The following KALRN variants were observed in gnomAD, a reference collection of about 807,000 sequenced individuals.
The protein encoded by KALRN is kalirin.
KALRN carries 70 observed loss-of-function variants against 353.7 expected under a neutral mutation model. That is an observed-to-expected ratio of 0.20 (90% confidence interval 0.16 to 0.24). The LOEUF (loss-of-function observed/expected upper bound fraction) is 0.24. Among genes scored for constraint, KALRN ranks in the 10% least tolerant of loss-of-function variants. The pLI, the probability that KALRN is intolerant of heterozygous loss-of-function variation, is 1.00. For missense variants in KALRN, 2,791 were observed against 3,756.7 expected (o/e 0.74, Z 6.72); for synonymous variants, 1,391 against 1,434.8 (o/e 0.97, Z 0.69).
chr3:124,161,914 A>G (rs2070030028), intron 1 of KALRN, among the ~76,000 whole-genome samples: 1 of 152,222 alleles, frequency 6.6e-6, no homozygotes, highest in African/African-American at 2.4e-5. Context: ...TACCTTTTGG[A>G]TTGAGAAATT....
chr3:124,405,890 C>T (rs693394), intron 13 of KALRN, among the ~76,000 whole-genome samples: 85,355 of 151,866 alleles, frequency 0.56, 25,731 homozygotes, highest in Middle Eastern at 0.71. Flanking sequence ...GTGATCCGCC[C>T]GCCTCGGCCT....
rs527599597 is a variant in KALRN at position 124,248,143 on chromosome 3, G to T, written c.263+13200G>T. Among the ~76,000 whole-genome samples, 6 of 152,358 alleles carry T rather than the reference G, an allele frequency of 3.9e-5. No individual in the cohort carries two copies. The East Asian group carries it at 1.2e-3, about 29-fold the overall frequency. ...TCTGATAGGTGGTGAACCTCTTGCA[G>T]GTTGGAATGGTTGGTTTTGTTTCTT... On this transcript the variant is annotated intron_variant, in intron 3 of 59. Transcript: ENST00000682506.
chr3:124,221,332 T>G (rs1201351100), intron 1 of KALRN, among the ~76,000 whole-genome samples: 1 of 152,238 alleles, frequency 6.6e-6, no homozygotes, highest in Non-Finnish European at 1.5e-5. Flanking sequence ...CTTGCCATTC[T>G]CTGTCTTCTC....
At chr3:124,665,809 C>A (rs1230404978) in intron 45 of KALRN, among the ~76,000 whole-genome samples, 1 of 152,146 alleles carries the variant, frequency 6.6e-6, no homozygotes, top group Non-Finnish European at 1.5e-5. Flanking sequence ...AAGTATCTAC[C>A]AGCTTATAAA....
intron 1 of KALRN, among the ~76,000 whole-genome samples, chr3:124,053,575 A>G (rs1455937289): frequency 2.6e-5 from 4 of 152,184 alleles, no homozygotes; most frequent in Admixed American, 6.5e-5. Context: ...AGGGTTTAGC[A>G]CTGCTCCATT....
chr3:124,297,152 A>T (rs13076923), intron 5 of KALRN, among the ~76,000 whole-genome samples: 5 of 152,210 alleles, frequency 3.3e-5, no homozygotes, highest in Admixed American at 6.5e-5. Context: ...CATAGCAGGT[A>T]TCCCATAAAT....
rs919750972 is a variant in KALRN, at chr3:124,697,691, A to G, written c.7798A>G (p.Ile2600Val). The stretch of plus-strand genomic sequence containing the variant: ...CCCCTCCAGCACAGGAAACTGCACT[A>G]TTTCTGGTTACACTGTGGAGTACAG... ...LPPSSTGNCT[I>V]SGYTVEYREE... The change falls in exon 55 of 60, where the codon ATT (isoleucine) becomes GTT (valine). Residue 2600 changes from isoleucine to valine, a missense_variant. Transcript: ENST00000682506. 2 of 1,597,278 alleles carry G rather than the reference A, an allele frequency of 1.3e-6. No homozygotes were observed. Among genetic ancestry groups the G allele is most frequent in the Non-Finnish European group, 1.7e-6 (2 of 1,171,252 alleles).
intron 34 of KALRN, among the ~76,000 whole-genome samples, chr3:124,580,887 C>T (rs769679972): frequency 3.3e-5 from 5 of 151,798 alleles, no homozygotes; most frequent in South Asian, 2.1e-4. Context: ...GGGGGCAGAT[C>T]GCTTGAGCCC....
intron 5 of KALRN, among the ~76,000 whole-genome samples, 184 bp downstream of exon 5, chr3:124,269,439 G>C (rs2073917397): frequency 1.3e-5 from 2 of 152,170 alleles, no homozygotes; most frequent in South Asian, 2.1e-4. Context: ...GCCCAGTATT[G>C]TTCTAAGCAC....
chr3:124,546,563 A>G (rs778671761), intron 33 of KALRN, among the ~76,000 whole-genome samples: 1 of 152,168 alleles, frequency 6.6e-6, no homozygotes, highest in Non-Finnish European at 1.5e-5. Context: ...GTTGTTGTGG[A>G]AGCTGGGTTG....
rs1476372037 is a variant in KALRN at position 124,384,935 on chromosome 3, G to T, written c.1861G>T (p.Ala621Ser). Residue 621 changes from alanine (A) to serine (S), a missense_variant, in exon 11 of 60, where the codon GCT becomes TCT. This residue lies in a region of KALRN where 452 missense variants were observed against 575.8 expected (regional missense o/e 0.78). Coordinates refer to ENST00000682506, the MANE Select transcript of KALRN (RefSeq NM_001388419.1). ...TGACCCCGAGGAGATCTACAAGGCA[G>T]CTCGACACCTGGAGGTGCGCATCCA... ...ECDPEEIYKAARHLEVRIQDF... is the reference protein window; with the variant it reads ...ECDPEEIYKASRHLEVRIQDF... The T allele has an allele frequency of 6.2e-7, 1 of 1,614,134 alleles. No homozygotes were observed. Among genetic ancestry groups the T allele is most frequent in the Non-Finnish European group, 8.5e-7 (1 of 1,179,998 alleles).
At chr3:124,569,497 A>G (rs919398979) in intron 34 of KALRN, among the ~76,000 whole-genome samples, 2 of 152,202 alleles carry the variant, frequency 1.3e-5, no homozygotes, top group South Asian at 4.1e-4. Context: ...GGGTTGCTTT[A>G]TGCTAATAGC....
intron 1 of KALRN, among the ~76,000 whole-genome samples, chr3:124,217,572 A>G (rs60920918): frequency 0.06 from 9,170 of 152,236 alleles, 936 homozygotes; most frequent in African/African-American, 0.21. Context: ...CTCTGTATGT[A>G]TATCCCTCCA....
intron 1 of KALRN, among the ~76,000 whole-genome samples, chr3:124,138,719 G>A (rs986537082): frequency 2.0e-5 from 3 of 152,144 alleles, no homozygotes; most frequent in African/African-American, 7.2e-5. Context: ...GCATGAACTA[G>A]GGGGCCTGTA....
At chr3:124,121,909 C>T (rs192292941) in intron 1 of KALRN, among the ~76,000 whole-genome samples, 42 of 152,348 alleles carry the variant, frequency 2.8e-4, no homozygotes, top group Middle Eastern at 3.4e-3. Flanking sequence ...ACTGTCAGCA[C>T]ATTGCTTCAG....
chr3:124,441,463 T>G (rs1001073600), intron 18 of KALRN, among the ~76,000 whole-genome samples: 19 of 152,172 alleles, frequency 1.2e-4, no homozygotes, highest in Non-Finnish European at 5.9e-5. Flanking sequence ...GGAGTCTCCA[T>G]GAACCAGTGG....
chr3:124,449,209 C>G (rs2058539130), intron 21 of KALRN, among the ~76,000 whole-genome samples: 1 of 152,090 alleles, frequency 6.6e-6, no homozygotes, highest in South Asian at 2.1e-4. Flanking sequence ...AGAATACATA[C>G]AGTGGCCCTT....
intron 10 of KALRN, among the ~76,000 whole-genome samples, chr3:124,365,680 C>T (rs941571102): frequency 2.0e-5 from 3 of 152,198 alleles, no homozygotes; most frequent in African/African-American, 7.2e-5. Flanking sequence ...GTTGCTAATT[C>T]TCATTTAAAA....
At chr3:124,646,605 G>A (rs2082772924) in intron 37 of KALRN, among the ~76,000 whole-genome samples, 1 of 151,134 alleles carries the variant, frequency 6.6e-6, no homozygotes, top group African/African-American at 2.4e-5. Flanking sequence ...TGGCCAAGCT[G>A]GTTTTGAACT....
Sources: gnomAD v4.1 joint callset for allele counts (sites outside exome capture counted in the v4.1 genomes callset) on GRCh38, gnomAD v4.1.1 for gene constraint, gnomAD v4.1.1 regional missense constraint, MANE v1.5 for transcripts, NCBI Gene and HGNC (gene_info 2026-07-23, HGNC 2026-07-21) for gene names.